Variants in FBXO4 observed in about 807,000 individuals in gnomAD.
The protein encoded by FBXO4 is F-box only protein 4.
FBXO4 carries 36 observed loss-of-function variants against 43.7 expected under a neutral mutation model. The observed-to-expected ratio is 0.82, with a 90% CI of 0.63 to 1.09. The LOEUF is 1.09. FBXO4 is among the 50% of genes least tolerant of loss of function. FBXO4 has a pLI of 0.00. For missense variants in FBXO4, 435 were observed against 474.1 expected, an observed-to-expected ratio of 0.92 and a Z score of 0.77; for synonymous variants, 180 against 165.6, an observed-to-expected ratio of 1.09 and a Z score of -0.67.
At chr5:42,020,216 T>C in the FBXO4 span, among the ~76,000 whole-genome samples, 3,984 of 152,226 alleles carry the variant, frequency 0.026, 61 homozygotes, top group Non-Finnish European at 0.039. Flanking sequence ...AAATTAAATA[T>C]AACAGCAAAA....
chr5:41,983,819 A>G, the FBXO4 span, among the ~76,000 whole-genome samples: 2 of 152,006 alleles, frequency 1.3e-5, no homozygotes, highest in Non-Finnish European at 2.9e-5. Flanking sequence ...TGTGATAGTA[A>G]ATGCCCTATT....
intron 2 of FBXO4, 130 bp from the exon 3 acceptor site, chr5:41,929,567 T>C (rs1269071631): frequency 1.5e-6 from 1 of 673,984 alleles, no homozygotes; most frequent in Admixed American, 3.3e-5. Context: ...TCTATTGTTC[T>C]CCTGGAGGAT....
intron 3 of FBXO4, among the ~76,000 whole-genome samples, chr5:41,931,199 G>A (rs1050040715): frequency 6.6e-6 from 1 of 152,212 alleles, no homozygotes; most frequent in East Asian, 1.9e-4. Flanking sequence ...GACCCATTAA[G>A]AAGCCACTGT....
chr5:41,949,311 A>G, the FBXO4 span, among the ~76,000 whole-genome samples: 1 of 152,234 alleles, frequency 6.6e-6, no homozygotes, highest in Non-Finnish European at 1.5e-5. Context: ...TGTATGAGTT[A>G]GAAAACCTCA....
At chr5:42,026,273 G>A in the FBXO4 span, among the ~76,000 whole-genome samples, 3 of 151,564 alleles carry the variant, frequency 2.0e-5, no homozygotes, top group East Asian at 3.9e-4. Flanking sequence ...TAATTCCTAG[G>A]TGATTAACTT....
chr5:42,037,955 T>C, the FBXO4 span, among the ~76,000 whole-genome samples: 1 of 152,162 alleles, frequency 6.6e-6, no homozygotes, highest in African/African-American at 2.4e-5. Flanking sequence ...GCAGTCTTGG[T>C]GTGTTGGTAT....
At chr5:41,966,992 C>T in the FBXO4 span, 1 of 240,632 alleles carries the variant, frequency 4.2e-6, no homozygotes, top group Non-Finnish European at 8.2e-6. Context: ...CTATGTCACA[C>T]ACACCCATGA....
At chr5:42,023,191 A>G in the FBXO4 span, among the ~76,000 whole-genome samples, 1 of 152,122 alleles carries the variant, frequency 6.6e-6, no homozygotes, top group Non-Finnish European at 1.5e-5. Flanking sequence ...TTATTTAAAA[A>G]ATTGTTATAA....
the FBXO4 span, among the ~76,000 whole-genome samples, chr5:41,948,878 C>T: frequency 2.0e-5 from 3 of 152,072 alleles, no homozygotes; most frequent in Non-Finnish European, 4.4e-5. Flanking sequence ...ATCAGGTCGG[C>T]TTCATCCTGG....
the FBXO4 span, among the ~76,000 whole-genome samples, chr5:41,975,857 A>T: frequency 2.0e-5 from 3 of 152,190 alleles, no homozygotes; most frequent in Non-Finnish European, 4.4e-5. Context: ...TTATAAAGAA[A>T]GGAGATTTAA....
chr5:41,977,390 G>T, the FBXO4 span, among the ~76,000 whole-genome samples: 2 of 152,236 alleles, frequency 1.3e-5, no homozygotes, highest in South Asian at 2.1e-4. Flanking sequence ...TCAACTTTAA[G>T]TCATTTATTT....
the FBXO4 span, among the ~76,000 whole-genome samples, chr5:42,023,928 A>G: frequency 1.3e-5 from 2 of 151,982 alleles, no homozygotes; most frequent in Non-Finnish European, 2.9e-5. Context: ...GCTGTTCTCC[A>G]CACCAAAACC....
the FBXO4 span, among the ~76,000 whole-genome samples, chr5:41,992,427 T>C: frequency 1.3e-5 from 2 of 152,308 alleles, no homozygotes; most frequent in South Asian, 2.1e-4. Context: ...CATGGACCCA[T>C]ACAATTTTTT....
chr5:41,961,745 T>C, the FBXO4 span, among the ~76,000 whole-genome samples: 1 of 152,128 alleles, frequency 6.6e-6, no homozygotes, highest in Non-Finnish European at 1.5e-5. Flanking sequence ...ACTTGTATGG[T>C]TGGGAGAGGT....
chr5:41,939,261 T>C (rs1751933723), intron 5 of FBXO4, 180 bp from the exon 6 acceptor site: 2 of 498,092 alleles, frequency 4.0e-6, no homozygotes, highest in South Asian at 7.6e-5. Context: ...GAACTACCTG[T>C]ATCAAGCATT....
At chr5:41,999,480 CATATATATATATACAT>C in the FBXO4 span, among the ~76,000 whole-genome samples, 15 of 114,944 alleles carry the variant, frequency 1.3e-4, no homozygotes, top group Admixed American at 1.3e-3. Flanking sequence ...TATATATACA[CATATATATATATACAT>C]ATATATATGT....
At chr5:42,007,967 G>C in the FBXO4 span, among the ~76,000 whole-genome samples, 419 of 152,092 alleles carry the variant, frequency 2.8e-3, 1 homozygote, top group African/African-American at 9.6e-3. Context: ...TTTGGAGTAG[G>C]TACAGAGAAG....
chr5:42,031,159 G>A, the FBXO4 span, among the ~76,000 whole-genome samples: 4 of 152,036 alleles, frequency 2.6e-5, no homozygotes, highest in Non-Finnish European at 4.4e-5. Context: ...ACATGCACAT[G>A]TATGTTTATA....
At position 41,929,805 on chromosome 5, in the gene FBXO4, A is replaced by G; in HGVS notation, c.534A>G (p.Arg178=). The G allele has an allele frequency of 6.2e-7, 1 of 1,614,050 alleles. No homozygotes were observed. Among genetic ancestry groups the G allele is most frequent in the Non-Finnish European group, 8.5e-7 (1 of 1,179,998 alleles). ...CCCTGATCATTCAGAATGAACCACG[A>G]TTTGCTATGTTTGGACCAGGTTTGG... ...LHSLIIQNEP[R]FAMFGPGLEE... The change falls in exon 3 of 7, where the codon CGA becomes CGG. Residue 178 remains arginine (R), a synonymous_variant. Coordinates refer to ENST00000281623, the MANE Select transcript of FBXO4 (RefSeq NM_012176.3).
Sources: gnomAD v4.1 joint callset for allele counts (sites outside exome capture counted in the v4.1 genomes callset) on GRCh38, gnomAD v4.1.1 for gene constraint, MANE v1.5 for transcripts, NCBI Gene and HGNC (gene_info 2026-07-23, HGNC 2026-07-21) for gene names.